Variants in GLIS1 observed in about 807,000 individuals in gnomAD.
GLIS1 encodes GLIS family zinc finger 1, also known as zinc finger protein GLIS1.
Under a neutral mutation model 63.8 loss-of-function variants are expected in GLIS1, and 24 were observed. The ratio of observed to expected loss-of-function variants is 0.38; its 90% CI spans 0.27 to 0.53. GLIS1 has a LOEUF of 0.53. Among genes scored for constraint, GLIS1 ranks in the 20% least tolerant of loss-of-function variants. The pLI, the probability that GLIS1 is intolerant of heterozygous loss-of-function variation, is 0.85. For missense variants in GLIS1, 1,036 were observed against 1,074.1 expected, an observed-to-expected ratio of 0.96 and a Z score of 0.50; for synonymous variants, 450 against 482.5, an observed-to-expected ratio of 0.93 and a Z score of 0.88.
intron 10 of GLIS1, among the ~76,000 whole-genome samples, chr1:53,508,001 G>A (rs569345465): frequency 7.2e-5 from 11 of 152,292 alleles, no homozygotes; most frequent in East Asian, 3.9e-4. Flanking sequence ...GCGTGGACAC[G>A]GCACACGTTT....
At chr1:53,734,324 A>G (rs1004873321) in intron 2 of GLIS1, 1 of 398,680 alleles carries the variant, frequency 2.5e-6, no homozygotes, top group Non-Finnish European at 3.4e-6. Context: ...TAACTATGGC[A>G]TAGATACTAG....
At chr1:53,669,513 A>G (rs1241608941) in intron 2 of GLIS1, among the ~76,000 whole-genome samples, 2 of 152,228 alleles carry the variant, frequency 1.3e-5, no homozygotes, top group Non-Finnish European at 2.9e-5. Flanking sequence ...GATCTCCTGC[A>G]TGTACCAAAG....
In GLIS1 at chr1:53,568,811, G is replaced by A. The variant is rs534847426; in HGVS notation, c.1320+25297C>T. ...AAATTTCCTGAGCTCTCCCAGTCAC[G>A]CTTCCTGTTAAGCCTGTGGCTCTGT... On this transcript the variant is annotated intron_variant, in intron 4 of 10. Transcript: ENST00000628545. Among the ~76,000 whole-genome samples the A allele has an allele frequency of 6.6e-5, 10 of 152,278 alleles. No homozygotes were observed. In the South Asian group the frequency reaches 1.2e-3, roughly 19 times the overall value.
chr1:53,710,885 C>T (rs1646640012), intron 2 of GLIS1, among the ~76,000 whole-genome samples: 1 of 152,126 alleles, frequency 6.6e-6, no homozygotes, highest in Middle Eastern at 3.4e-3. Flanking sequence ...ACACAGGCCC[C>T]CTAATCAGAA....
chr1:53,735,236 C>T (rs1646901615), intron 2 of GLIS1, among the ~76,000 whole-genome samples: 1 of 152,198 alleles, frequency 6.6e-6, no homozygotes, highest in Non-Finnish European at 1.5e-5. Context: ...TAGCACCCTT[C>T]ACATTCAGCA....
At chr1:53,656,021 C>A (rs1182781068) in intron 2 of GLIS1, among the ~76,000 whole-genome samples, 1 of 152,222 alleles carries the variant, frequency 6.6e-6, no homozygotes, top group African/African-American at 2.4e-5. Context: ...TGGCCAGTGG[C>A]CTCTCCCCAT....
In GLIS1 at chr1:53,674,085, T is replaced by G. The variant is rs1044809614; in HGVS notation, c.259+63721A>C. On this transcript the variant is annotated intron_variant, in intron 2 of 10. Transcript: ENST00000628545. ...TACTTGGGAGGCTGAGGCACAAGAA[T>G]CGCTTGAACCTGGGAGGCAGAGGTT... is the stretch of plus-strand genomic sequence containing the variant. Among the ~76,000 whole-genome samples, 8 of 148,810 alleles carry G rather than the reference T, an allele frequency of 5.4e-5. No homozygotes were observed. In the East Asian group the frequency reaches 1.6e-3, roughly 30 times the overall value.
intron 2 of GLIS1, among the ~76,000 whole-genome samples, chr1:53,638,733 C>A (rs544803540): frequency 6.6e-6 from 1 of 152,314 alleles, no homozygotes; most frequent in Admixed American, 6.5e-5. Context: ...TAGAACCCCC[C>A]ACACCCAGAA....
intron 2 of GLIS1, among the ~76,000 whole-genome samples, chr1:53,622,400 C>T (rs1305920349): frequency 7.3e-6 from 1 of 137,408 alleles, no homozygotes; most frequent in Non-Finnish European, 1.5e-5. Flanking sequence ...TGCAACTCTA[C>T]CTGGACAACA....
chr1:53,628,820 C>A (rs1645622767), intron 2 of GLIS1, among the ~76,000 whole-genome samples: 1 of 152,138 alleles, frequency 6.6e-6, no homozygotes, highest in Admixed American at 6.5e-5. Flanking sequence ...GGACGGGAAA[C>A]AGCACCCTGA....
chr1:53,728,295 T>G (rs1200663251), intron 2 of GLIS1, among the ~76,000 whole-genome samples: 1 of 152,108 alleles, frequency 6.6e-6, no homozygotes, highest in Non-Finnish European at 1.5e-5. Flanking sequence ...TTCCTAGAGG[T>G]TCTGTTTACC....
chr1:53,723,141 T>A (rs1454992084), intron 2 of GLIS1, among the ~76,000 whole-genome samples: 3 of 150,314 alleles, frequency 2.0e-5, no homozygotes, highest in East Asian at 2.0e-4. Context: ...TCAAAAAAAA[T>A]AAAAATAAAA....
At chr1:53,600,348 G>C (rs1465208056) in intron 2 of GLIS1, 70 bp from the exon 3 acceptor site, 2 of 1,041,550 alleles carry the variant, frequency 1.9e-6, no homozygotes, top group African/African-American at 3.2e-5. Flanking sequence ...TATGGGGAGA[G>C]GGCAGTCCCT....
chr1:53,612,134 C>T (rs1013040927), intron 2 of GLIS1, among the ~76,000 whole-genome samples: 1 of 152,234 alleles, frequency 6.6e-6, no homozygotes. Context: ...ACCTAGCCCA[C>T]TTCTCAACTT....
chr1:53,584,022 G>A (rs1046402363), intron 4 of GLIS1, among the ~76,000 whole-genome samples: 4 of 152,200 alleles, frequency 2.6e-5, no homozygotes, highest in Admixed American at 6.5e-5. Flanking sequence ...GTGCCCAGGC[G>A]TTGGCAAGAC....
chr1:53,693,204 T>C (rs1210448637), intron 2 of GLIS1, among the ~76,000 whole-genome samples: 1 of 152,176 alleles, frequency 6.6e-6, no homozygotes, highest in Admixed American at 6.5e-5. Flanking sequence ...CTGAGACTAT[T>C]ATCCCACTTT....
intron 2 of GLIS1, among the ~76,000 whole-genome samples, chr1:53,688,051 ACCGGGGCTG>A (rs142814388): frequency 0.12 from 17,657 of 152,058 alleles, 1,208 homozygotes; most frequent in East Asian, 0.23. Context: ...AGGCTGAGGA[ACCGGGGCTG>A]CCTTGCTGGA....
intron 2 of GLIS1, among the ~76,000 whole-genome samples, chr1:53,714,089 C>T (rs564526270): frequency 4.1e-4 from 63 of 152,264 alleles, no homozygotes; most frequent in Non-Finnish European, 5.6e-4. Flanking sequence ...AGAAAGAAAC[C>T]GGAAACAGCA....
At chr1:53,683,353 C>A (rs61325526) in intron 2 of GLIS1, among the ~76,000 whole-genome samples, 2 of 152,138 alleles carry the variant, frequency 1.3e-5, no homozygotes, top group African/African-American at 2.4e-5. Flanking sequence ...CTGAGCCCCC[C>A]CAACCAAAGG....
Sources: allele counts gnomAD v4.1 joint callset (sites outside exome capture counted in the v4.1 genomes callset), GRCh38; gene constraint gnomAD v4.1.1; transcripts MANE v1.5; gene names NCBI Gene and HGNC (gene_info 2026-07-23, HGNC 2026-07-21).